Variants in SHC4 observed in about 807,000 individuals in gnomAD.
SHC4 encodes the protein SHC-transforming protein 4.
Under a neutral mutation model 69.4 loss-of-function variants are expected in SHC4, and 41 were observed. The ratio of observed to expected loss-of-function variants is 0.59; its 90% CI spans 0.46 to 0.77. The LOEUF is 0.77. Among genes scored for constraint, SHC4 ranks in the 30% least tolerant of loss-of-function variants. The pLI is 0.00. For missense variants in SHC4, 777 were observed against 783.8 expected (o/e 0.99, Z 0.10); for synonymous variants, 318 against 299.3 (o/e 1.06, Z -0.64).
At chr15:48,856,809 A>C (rs952243764) in intron 7 of SHC4, among the ~76,000 whole-genome samples, 5 of 151,538 alleles carry the variant, frequency 3.3e-5, no homozygotes, top group Admixed American at 3.3e-4. Flanking sequence ...AATCAAGTCT[A>C]TTTGGATTGA....
chr15:48,916,314 CACA>C (rs1567069122), intron 2 of SHC4, among the ~76,000 whole-genome samples: 51 of 139,226 alleles, frequency 3.7e-4, no homozygotes, highest in African/African-American at 1.2e-3. Flanking sequence ...CACACACACA[CACA>C]CCCAGAAGTA....
chr15:48,844,624 G>A (rs1482834412), intron 9 of SHC4, among the ~76,000 whole-genome samples: 1 of 152,158 alleles, frequency 6.6e-6, no homozygotes, highest in Non-Finnish European at 1.5e-5. Context: ...CTTGACCTCT[G>A]ATATGGTTTG....
At chr15:48,829,402 T>C (rs899007542) in intron 11 of SHC4, among the ~76,000 whole-genome samples, 1 of 152,172 alleles carries the variant, frequency 6.6e-6, no homozygotes, top group Non-Finnish European at 1.5e-5. Flanking sequence ...GCTTCATATA[T>C]TTGGGTACCC....
intron 6 of SHC4, among the ~76,000 whole-genome samples, chr15:48,866,296 C>G (rs1367435633): frequency 6.6e-6 from 1 of 152,194 alleles, no homozygotes; most frequent in East Asian, 1.9e-4. Context: ...ACTCTTTGAC[C>G]ATGATTCATT....
chr15:48,951,320 G>A (rs1357654880), intron 1 of SHC4, among the ~76,000 whole-genome samples: 5 of 151,760 alleles, frequency 3.3e-5, no homozygotes, highest in Non-Finnish European at 7.4e-5. Flanking sequence ...TCCTCCCTTA[G>A]GTGTCCCATC....
intron 10 of SHC4, among the ~76,000 whole-genome samples, chr15:48,836,064 G>A (rs997405505): frequency 4.7e-5 from 7 of 147,510 alleles, no homozygotes; most frequent in East Asian, 2.0e-4. Context: ...ATAGTGGCAC[G>A]TGCCTGCAGT....
At chr15:48,940,679 T>C (rs986751861) in intron 1 of SHC4, among the ~76,000 whole-genome samples, 2 of 152,204 alleles carry the variant, frequency 1.3e-5, no homozygotes, top group South Asian at 2.1e-4. Context: ...GGACTTTGCA[T>C]GTTCAATGTG....
chr15:48,868,410 T>A (rs1899603155), intron 5 of SHC4, among the ~76,000 whole-genome samples: 1 of 152,116 alleles, frequency 6.6e-6, no homozygotes, highest in African/African-American at 2.4e-5. Context: ...GGAATTTATT[T>A]GATCAATATA....
chr15:48,852,302 G>A (rs1257748778), intron 8 of SHC4, among the ~76,000 whole-genome samples: 1 of 152,042 alleles, frequency 6.6e-6, no homozygotes, highest in Non-Finnish European at 1.5e-5. Flanking sequence ...TGGAGGAGAT[G>A]AAATAAATGA....
intron 2 of SHC4, among the ~76,000 whole-genome samples, chr15:48,905,066 G>C (rs1421262798): frequency 1.3e-5 from 2 of 152,038 alleles, no homozygotes; most frequent in African/African-American, 2.4e-5. Flanking sequence ...GCCAGGTTTA[G>C]CACGTCAAAT....
At chr15:48,946,192 AT>A (rs1358270054) in intron 1 of SHC4, 13 of 152,212 alleles carry the variant, frequency 8.5e-5, no homozygotes, top group African/African-American at 3.1e-4. Flanking sequence ...TCTCCCTCTT[AT>A]CACTTAAACA....
intron 10 of SHC4, among the ~76,000 whole-genome samples, chr15:48,841,221 C>T (rs375451125): frequency 2.2e-4 from 33 of 152,172 alleles, no homozygotes; most frequent in African/African-American, 7.9e-4. Flanking sequence ...CTGAAAAGTC[C>T]GTGAAATGAA....
chr15:48,891,690 C>T (rs1163731592), intron 2 of SHC4, among the ~76,000 whole-genome samples: 1 of 152,146 alleles, frequency 6.6e-6, no homozygotes, highest in African/African-American at 2.4e-5. Context: ...AATTAATAAA[C>T]TATATTCTCT....
intron 8 of SHC4, 105 bp downstream of exon 8, chr15:48,855,848 A>T: frequency 3.3e-6 from 4 of 1,196,922 alleles, no homozygotes; most frequent in Non-Finnish European, 4.7e-6. Context: ...TTTGAGGAAG[A>T]CAGGACTTTC....
intron 6 of SHC4, among the ~76,000 whole-genome samples, chr15:48,858,856 A>T (rs185275564): frequency 6.6e-6 from 1 of 152,320 alleles, no homozygotes; most frequent in East Asian, 1.9e-4. Context: ...TATACACAAG[A>T]GTGTTGTAAA....
At chr15:48,844,736 T>C (rs559756230) in intron 9 of SHC4, among the ~76,000 whole-genome samples, 2 of 152,304 alleles carry the variant, frequency 1.3e-5, no homozygotes, top group East Asian at 1.9e-4. Context: ...GTTTTCCCTA[T>C]ACTGTTCTCC....
At chr15:48,867,715 C>G in intron 6 of SHC4, 103 bp downstream of exon 6, 1 of 981,750 alleles carries the variant, frequency 1.0e-6, no homozygotes, top group South Asian at 1.5e-5. Context: ...AGTATAGCAC[C>G]CTAGTGATAG....
chr15:48,904,189 C>G (rs1425244910), intron 2 of SHC4, among the ~76,000 whole-genome samples: 1 of 152,148 alleles, frequency 6.6e-6, no homozygotes, highest in Non-Finnish European at 1.5e-5. Context: ...AATTATTCCA[C>G]TTTGGTTGAC....
chr15:48,943,679 T>C (rs1459099693), intron 1 of SHC4, among the ~76,000 whole-genome samples: 1 of 152,206 alleles, frequency 6.6e-6, no homozygotes, highest in African/African-American at 2.4e-5. Context: ...ACCTCCATAT[T>C]GTTTTCCATA....
Sources: allele counts gnomAD v4.1 joint callset (sites outside exome capture counted in the v4.1 genomes callset), GRCh38; gene constraint gnomAD v4.1.1; transcripts MANE v1.5; gene names NCBI Gene and HGNC (gene_info 2026-07-23, HGNC 2026-07-21).